The following PODXL2 variants were observed in gnomAD, a reference collection of about 807,000 sequenced individuals.
PODXL2 encodes podocalyxin-like protein 2.
A neutral mutation model predicts 53.4 loss-of-function variants in PODXL2; 17 were observed. The ratio of observed to expected loss-of-function variants is 0.32; its 90% CI spans 0.22 to 0.48. The LOEUF (loss-of-function observed/expected upper bound fraction) is 0.48. PODXL2 is among the 20% of genes least tolerant of loss of function. The pLI is 0.99. For missense variants in PODXL2, 673 were observed against 760.0 expected, an observed-to-expected ratio of 0.89 and a Z score of 1.35; for synonymous variants, 311 against 306.7, an observed-to-expected ratio of 1.01 and a Z score of -0.15.
At chr3:127,662,889 G>A (rs564764136) in intron 4 of PODXL2, among the ~76,000 whole-genome samples, 40 of 152,340 alleles carry the variant, frequency 2.6e-4, no homozygotes, top group African/African-American at 7.2e-4. Context: ...TGTTCTGTTC[G>A]AAGTATAACA....
chr3:127,644,754 A>G (rs1005994565), intron 2 of PODXL2, among the ~76,000 whole-genome samples: 18 of 152,234 alleles, frequency 1.2e-4, no homozygotes, highest in African/African-American at 4.3e-4. Flanking sequence ...CCACAGCTGC[A>G]TACAGCTTGG....
intron 2 of PODXL2, among the ~76,000 whole-genome samples, chr3:127,658,159 G>A (rs2074737722): frequency 6.6e-6 from 1 of 152,190 alleles, no homozygotes; most frequent in Non-Finnish European, 1.5e-5. Context: ...AACAGAAGTG[G>A]ACTGGATAGA....
At chr3:127,668,936 A>T (rs1221239225) in intron 5 of PODXL2, among the ~76,000 whole-genome samples, 2 of 152,202 alleles carry the variant, frequency 1.3e-5, no homozygotes, top group African/African-American at 2.4e-5. Flanking sequence ...GGCTGGTGTT[A>T]TACAAATCGA....
intron 4 of PODXL2, among the ~76,000 whole-genome samples, chr3:127,662,888 C>T (rs1401665292): frequency 6.6e-6 from 1 of 152,206 alleles, no homozygotes; most frequent in East Asian, 1.9e-4. Context: ...CTGTTCTGTT[C>T]GAAGTATAAC....
chr3:127,655,930 G>A (rs1465379830), intron 2 of PODXL2, among the ~76,000 whole-genome samples: 1 of 152,266 alleles, frequency 6.6e-6, no homozygotes, highest in Non-Finnish European at 1.5e-5. Flanking sequence ...TGGGAGGCAG[G>A]AGAGGAACTC....
rs2074764454 is a variant in PODXL2 at position 127,661,002 on chromosome 3, C to A, written c.974C>A (p.Pro325His). Residue 325 changes from proline (P) to histidine (H), a missense_variant, in exon 3 of 8, where the codon CCC (proline) becomes CAC (histidine). Around this residue, in one of 3 missense-constraint regions of PODXL2, gnomAD observed 588 missense variants for 668.3 expected, o/e 0.88. Transcript: ENST00000342480. ...PSGAEHPDED[P>H]LGSRTSASSP... The stretch of plus-strand genomic sequence containing the variant: ...GGGGCCGAGCACCCAGATGAAGATC[C>A]CCTTGGCTCTAGAACCTCAGCCTCT... 9 of 1,614,232 alleles carry A rather than the reference C, an allele frequency of 5.6e-6. No individual in the cohort carries two copies. The East Asian group carries it at 2.0e-4, about 36-fold the overall frequency.
intron 2 of PODXL2, among the ~76,000 whole-genome samples, chr3:127,654,616 TG>T (rs2074710386): frequency 1.3e-5 from 2 of 152,254 alleles, no homozygotes; most frequent in African/African-American, 4.8e-5. Flanking sequence ...CCTCCTGCCC[TG>T]CCCTTTTTCC....
chr3:127,634,730 A>G (rs868583537), intron 1 of PODXL2, among the ~76,000 whole-genome samples: 1 of 152,192 alleles, frequency 6.6e-6, no homozygotes, highest in African/African-American at 2.4e-5. Flanking sequence ...GTCTGAAAAA[A>G]TAAATAAAAA....
At chr3:127,659,027 C>T (rs1254192519) in intron 2 of PODXL2, among the ~76,000 whole-genome samples, 3 of 151,760 alleles carry the variant, frequency 2.0e-5, no homozygotes, top group Non-Finnish European at 2.9e-5. Flanking sequence ...ATTTTCAATC[C>T]GTTGAATTTT....
At position 127,672,789 on chromosome 3, in the gene PODXL2, C is replaced by G. The variant is rs1021114584; in HGVS notation, c.*309C>G. On this transcript the variant is annotated 3_prime_UTR_variant, in exon 8 of 8. Coordinates refer to ENST00000342480, the MANE Select transcript of PODXL2 (RefSeq NM_015720.4). ...CTCAATTAAACCCGCCCGGAGACCA[C>G]GCCGGGCCCAGCGCGTCTGCCTTCT... is the stretch of plus-strand genomic sequence containing the variant. 1 of 340,330 alleles carries G rather than the reference C, an allele frequency of 2.9e-6. No individual in the cohort carries two copies. Among genetic ancestry groups the G allele is most frequent in the African/African-American group, 2.2e-5 (1 of 46,486 alleles). The allele number at this position is 340,330 out of a possible 1,614,324, so 21.1% of individuals were successfully genotyped here. A position where few individuals can be genotyped will look rare whatever the true frequency, so the allele number is the denominator to read the frequency against.
chr3:127,654,494 C>T (rs1024590488), intron 2 of PODXL2, among the ~76,000 whole-genome samples: 1 of 152,158 alleles, frequency 6.6e-6, no homozygotes, highest in Admixed American at 6.6e-5. Context: ...CCCCTCACCC[C>T]ACTGGTTCCT....
intron 4 of PODXL2, among the ~76,000 whole-genome samples, chr3:127,666,422 A>G (rs78365750): frequency 0.014 from 2,179 of 151,630 alleles, 60 homozygotes; most frequent in African/African-American, 0.05. Context: ...CAAGATTTGA[A>G]CCAATGTATT....
chr3:127,644,585 T>C (rs1441047062), intron 2 of PODXL2, among the ~76,000 whole-genome samples: 1 of 152,152 alleles, frequency 6.6e-6, no homozygotes, highest in Admixed American at 6.5e-5. Flanking sequence ...TTTGTTGTCC[T>C]CCCCCCTCCC....
At chr3:127,658,406 CTTTT>C (rs60979669) in intron 2 of PODXL2, among the ~76,000 whole-genome samples, 126 of 87,382 alleles carry the variant, frequency 1.4e-3, no homozygotes, top group African/African-American at 3.8e-3. Context: ...TTTCCCATGT[CTTTT>C]TTTTTTTTTT....
chr3:127,646,708 A>G (rs2074659549), intron 2 of PODXL2, among the ~76,000 whole-genome samples: 1 of 152,172 alleles, frequency 6.6e-6, no homozygotes, highest in African/African-American at 2.4e-5. Flanking sequence ...GAGTTAGCTC[A>G]TTTGGACTTC....
intron 1 of PODXL2, among the ~76,000 whole-genome samples, chr3:127,634,911 A>T (rs189091903): frequency 1.3e-5 from 2 of 152,228 alleles, no homozygotes; most frequent in Admixed American, 6.5e-5. Context: ...TGCAGGGGGA[A>T]TTGCTAGGGG....
At chr3:127,667,759 T>C (rs1187435054) in intron 4 of PODXL2, among the ~76,000 whole-genome samples, 1 of 152,206 alleles carries the variant, frequency 6.6e-6, no homozygotes, top group Non-Finnish European at 1.5e-5. Flanking sequence ...CACCCCTCCC[T>C]CTGTTCCAGC....
intron 5 of PODXL2, 119 bp downstream of exon 5, chr3:127,668,716 A>G: frequency 1.0e-6 from 1 of 996,414 alleles, no homozygotes; most frequent in East Asian, 3.0e-5. Flanking sequence ...CCAGGACAGT[A>G]GTTTGAGCTA....
At chr3:127,640,068 G>T (rs1275339891) in intron 2 of PODXL2, among the ~76,000 whole-genome samples, 1 of 152,230 alleles carries the variant, frequency 6.6e-6, no homozygotes, top group African/African-American at 2.4e-5. Context: ...CAGAGCTAGA[G>T]CTGGTGTTTG....
Sources: allele counts gnomAD v4.1 joint callset (sites outside exome capture counted in the v4.1 genomes callset), GRCh38; gene constraint gnomAD v4.1.1; regional missense constraint gnomAD v4.1.1; transcripts MANE v1.5; gene names NCBI Gene and HGNC (gene_info 2026-07-23, HGNC 2026-07-21).